The following SP1 variants were observed in gnomAD, a reference collection of about 807,000 sequenced individuals.
SP1 encodes the protein transcription factor Sp1.
SP1 carries 6 observed loss-of-function variants against 66.3 expected under a neutral mutation model. The observed-to-expected ratio is 0.09, with a 90% confidence interval of 0.05 to 0.18. The LOEUF (loss-of-function observed/expected upper bound fraction) is 0.18. Among genes scored for constraint, SP1 ranks in the 10% least tolerant of loss-of-function variants. The pLI is 1.00. For missense variants in SP1, 848 were observed against 964.5 expected (o/e 0.88, Z 1.60); for synonymous variants, 417 against 360.8 (o/e 1.16, Z -1.77).
chr12:53,407,603 C>T (rs1343302055), intron 4 of SP1, among the ~76,000 whole-genome samples: 1 of 151,310 alleles, frequency 6.6e-6, no homozygotes, highest in East Asian at 2.0e-4. Context: ...GGATTACAGA[C>T]GTGAGCCACT....
chr12:53,390,192 A>G (rs950307073), intron 3 of SP1, among the ~76,000 whole-genome samples: 1 of 152,168 alleles, frequency 6.6e-6, no homozygotes, highest in African/African-American at 2.4e-5. Flanking sequence ...TTTTAAGATT[A>G]TATTTTATCA....
chr12:53,407,618 C>A (rs1367617316), intron 4 of SP1, among the ~76,000 whole-genome samples: 1 of 148,858 alleles, frequency 6.7e-6, no homozygotes, highest in African/African-American at 2.5e-5. Context: ...GCCACTGCAC[C>A]TGGCCAAAAA....
At position 53,382,846 on chromosome 12, in the gene SP1, C is replaced by T. The variant is rs764291077; in HGVS notation, c.899C>T (p.Thr300Ile). The T allele has an allele frequency of 1.2e-6, 2 of 1,614,186 alleles. No homozygotes were observed. Among genetic ancestry groups the T allele is most frequent in the Non-Finnish European group, 1.7e-6 (2 of 1,180,022 alleles). ...CAGGAGAGTGGCTCACAGCCTGTCACCTCAGGGACTACCATCAGTTCTGCC... is the reference window on the plus strand; with the variant it reads ...CAGGAGAGTGGCTCACAGCCTGTCATCTCAGGGACTACCATCAGTTCTGCC... ...GSQESGSQPVTSGTTISSASL... is the reference protein window; with the variant it reads ...GSQESGSQPVISGTTISSASL... The change falls in exon 3 of 6, where the codon ACC becomes ATC. Residue 300 changes from threonine (T) to isoleucine (I), a missense_variant. Thr to Ile is a moderately conservative substitution (Grantham distance 89). This residue lies in a region of SP1 where 606 missense variants were observed against 589.9 expected (regional missense o/e 1.03). Coordinates refer to ENST00000327443, the MANE Select transcript of SP1 (RefSeq NM_138473.3).
At chr12:53,393,936 C>G (rs1938411273) in intron 3 of SP1, among the ~76,000 whole-genome samples, 1 of 151,666 alleles carries the variant, frequency 6.6e-6, no homozygotes, top group African/African-American at 2.4e-5. Context: ...GAAGGTGGGC[C>G]AGGTGTGGTG....
intron 4 of SP1, among the ~76,000 whole-genome samples, chr12:53,407,304 T>TA: frequency 6.8e-6 from 1 of 146,240 alleles, no homozygotes; most frequent in East Asian, 2.0e-4. Context: ...TTACTGGCCA[T>TA]AAAAAGAGAA....
At position 53,406,572 on chromosome 12, in the gene SP1, C is replaced by G; in HGVS notation, c.1676-13C>G. The G allele has an allele frequency of 6.2e-7, 1 of 1,612,548 alleles. No homozygotes were observed. Among genetic ancestry groups the G allele is most frequent in the Non-Finnish European group, 8.5e-7 (1 of 1,178,830 alleles). On this transcript the variant is annotated splice_polypyrimidine_tract_variant and intron_variant, in intron 3 of 5. Transcript: ENST00000327443. ...CCATGTCACATGTTGACCCTTTTCT[C>G]TCTTAATTTCAGGTGATCATGGAGC...
Position 53,381,727 on chromosome 12 carries a change from G to C in SP1, c.76G>C (p.Gly26Arg), listed in dbSNP as rs767662959. The C allele has an allele frequency of 1.4e-5, 23 of 1,614,052 alleles. No homozygotes were observed. The highest frequency in any genetic ancestry group is 4.2e-6 in the Non-Finnish European group (5 of 1,179,940). The change falls in exon 2 of 6, where the codon GGG becomes CGG. Residue 26 changes from glycine to arginine, a missense_variant. Physicochemically the swap from Gly to Arg is moderately radical, Grantham distance 125 (BLOSUM62 -2). Coordinates refer to ENST00000327443, the MANE Select transcript of SP1 (RefSeq NM_138473.3). ...TGAAAAAGGAGTTGGTGGCAATAAT[G>C]GGGGCAATGGTAATGGTGGTGGTGC... ...KIEKGVGGNN[G>R]GNGNGGGAFS...
chr12:53,399,927 G>A (rs1225998496), intron 3 of SP1, among the ~76,000 whole-genome samples: 1 of 152,054 alleles, frequency 6.6e-6, no homozygotes, highest in Admixed American at 6.6e-5. Context: ...CACCGCGCCT[G>A]GCAATTTTTG....
intron 3 of SP1, among the ~76,000 whole-genome samples, chr12:53,384,130 C>T (rs1186397237): frequency 8.6e-5 from 13 of 151,728 alleles, no homozygotes; most frequent in Admixed American, 2.6e-4. Flanking sequence ...CCACCACGCC[C>T]GGGTAATTTT....
intron 3 of SP1, among the ~76,000 whole-genome samples, chr12:53,397,151 A>G (rs1234560965): frequency 2.0e-5 from 3 of 151,618 alleles, no homozygotes; most frequent in Non-Finnish European, 4.4e-5. Context: ...AACTGGGACT[A>G]CAGGCGCCTG....
At position 53,382,567 on chromosome 12, in the gene SP1, T is replaced by C. The variant is rs1386356089; in HGVS notation, c.620T>C (p.Ile207Thr). Residue 207 changes from isoleucine to threonine, a missense_variant, in exon 3 of 6, where the codon ATA (isoleucine) becomes ACA (threonine). Transcript: ENST00000327443. ...GATGGTTCTGGTCAAATACAGATCA[T>C]ACCAGGTGCAAACCAACAGATTATC... is the stretch of plus-strand genomic sequence containing the variant. The part of the protein sequence containing the change: ...QQDGSGQIQI[I>T]PGANQQIITN... The C allele has an allele frequency of 6.2e-7, 1 of 1,614,150 alleles. No individual in the cohort carries two copies. Among genetic ancestry groups the C allele is most frequent in the Non-Finnish European group, 8.5e-7 (1 of 1,180,012 alleles).
Position 53,406,764 on chromosome 12 carries a change from C to G in SP1, c.1844+11C>G. ...AGACAGTGAAGGAAGGTGAGTTGAC[C>G]CAGCCAGTTTCTTACAAATATAAAG... On this transcript the variant is annotated intron_variant, in intron 4 of 5. Transcript: ENST00000327443. 6.2e-7 allele frequency: 1 copy of G among 1,605,018 alleles called. No homozygotes were observed. Among genetic ancestry groups the G allele is most frequent in the East Asian group, 2.2e-5 (1 of 44,796 alleles).
chr12:53,406,050 C>T (rs550395088), intron 3 of SP1, among the ~76,000 whole-genome samples: 4 of 133,776 alleles, frequency 3.0e-5, no homozygotes, highest in South Asian at 2.5e-4. Context: ...TTTATTGGCT[C>T]TTGGTATTTT....
intron 3 of SP1, among the ~76,000 whole-genome samples, chr12:53,388,734 C>G (rs1030487523): frequency 4.6e-5 from 7 of 152,134 alleles, no homozygotes; most frequent in Non-Finnish European, 1.0e-4. Context: ...AATCCCAGCA[C>G]TTTGGGAGGC....
At chr12:53,396,646 T>C (rs568624930) in intron 3 of SP1, among the ~76,000 whole-genome samples, 2 of 152,344 alleles carry the variant, frequency 1.3e-5, no homozygotes, top group South Asian at 4.1e-4. Flanking sequence ...GTTGCTTTTA[T>C]GCTATAGCTT....
chr12:53,393,119 G>T (rs976780600), intron 3 of SP1, among the ~76,000 whole-genome samples: 5 of 152,036 alleles, frequency 3.3e-5, no homozygotes, highest in Non-Finnish European at 2.9e-5. Flanking sequence ...ACCACGCCTG[G>T]CCTAGAAGGA....
chr12:53,394,280 A>AT (rs573996069), intron 3 of SP1, among the ~76,000 whole-genome samples: 4 of 152,284 alleles, frequency 2.6e-5, no homozygotes, highest in African/African-American at 9.6e-5. Context: ...CATGAAAAAA[A>AT]TAAATTTTGT....
intron 3 of SP1, among the ~76,000 whole-genome samples, chr12:53,400,757 T>G (rs78684603): frequency 0.088 from 52 of 590 alleles, no homozygotes; most frequent in African/African-American, 0.2. Flanking sequence ...CTGGGCTAAT[T>G]TTTTTTTTTT....
At chr12:53,399,851 G>T (rs117262088) in intron 3 of SP1, among the ~76,000 whole-genome samples, 2,252 of 144,480 alleles carry the variant, frequency 0.016, 17 homozygotes, top group Admixed American at 0.024. Flanking sequence ...GGGTGGTCTT[G>T]AACTCTCAAC....
Sources: gnomAD v4.1 joint callset for allele counts (sites outside exome capture counted in the v4.1 genomes callset) on GRCh38, gnomAD v4.1.1 for gene constraint, gnomAD v4.1.1 regional missense constraint, MANE v1.5 for transcripts, NCBI Gene and HGNC (gene_info 2026-07-23, HGNC 2026-07-21) for gene names.